The following RNF115 variants were observed in gnomAD, a reference collection of about 807,000 sequenced individuals.
The protein encoded by RNF115 is ring finger protein 115, also known as E3 ubiquitin-protein ligase RNF115.
RNF115 carries 31 observed loss-of-function variants against 39.2 expected under a neutral mutation model. That is an observed-to-expected ratio of 0.79 (90% CI 0.59 to 1.07). The LOEUF is 1.07. Among genes scored for constraint, RNF115 ranks in the 50% least tolerant of loss-of-function variants. The probability of loss-of-function intolerance (pLI) is 0.00; values close to 1 mark genes in which losing one functional copy is unlikely to be tolerated. For synonymous variants in RNF115, 124 were observed against 131.0 expected (o/e 0.95, Z 0.37); for missense variants, 384 against 381.7 (o/e 1.01, Z -0.05).
Position 145,750,370 on chromosome 1 carries a change from T to C in RNF115, c.667+37A>G, listed in dbSNP as rs369106243. On this transcript the variant is annotated intron_variant, in intron 7 of 8. Transcript: ENST00000582693. ...AAGATACCGGGATTTTGAACCGAGA[T>C]CAGAAGATGACAGAATAAGTATAAA... The C allele has an allele frequency of 1.5e-4, 216 of 1,482,482 alleles. 2 individuals carry two copies. Among genetic ancestry groups the C allele is most frequent in the Non-Finnish European group, 1.9e-4 (198 of 1,063,028 alleles). 91.8% of individuals were successfully genotyped at this position (1,482,482 alleles called of 1,614,324 possible).
chr1:145,754,088 G>C (rs782733739), intron 4 of RNF115, among the ~76,000 whole-genome samples: 1 of 152,148 alleles, frequency 6.6e-6, no homozygotes, highest in Non-Finnish European at 1.5e-5. Flanking sequence ...GCCAACATTA[G>C]ACTTTCCCTG....
intron 3 of RNF115, among the ~76,000 whole-genome samples, chr1:145,782,345 G>C (rs1648186260): frequency 6.6e-6 from 1 of 152,136 alleles, no homozygotes; most frequent in East Asian, 1.9e-4. Context: ...CTTTCAGCCA[G>C]GCACAGTGAC....
At chr1:145,766,398 C>T (rs1294024517) in intron 4 of RNF115, among the ~76,000 whole-genome samples, 7 of 152,206 alleles carry the variant, frequency 4.6e-5, no homozygotes, top group African/African-American at 1.7e-4. Context: ...CTACCTCTTT[C>T]TACACAGACA....
chr1:145,777,331 C>T (rs1203978022), intron 3 of RNF115, among the ~76,000 whole-genome samples: 2 of 152,120 alleles, frequency 1.3e-5, no homozygotes, highest in African/African-American at 4.8e-5. Flanking sequence ...TAAATTGTTA[C>T]CACACCTAAT....
At chr1:145,764,871 C>A (rs2101506831) in intron 4 of RNF115, among the ~76,000 whole-genome samples, 1 of 152,270 alleles carries the variant, frequency 6.6e-6, no homozygotes, top group South Asian at 2.1e-4. Context: ...GCCGCCCCTT[C>A]TGGGAAGTGA....
At chr1:145,772,111 G>C (rs1647672125) in intron 3 of RNF115, 192 bp from the exon 4 acceptor site, 1 of 526,024 alleles carries the variant, frequency 1.9e-6, no homozygotes, top group African/African-American at 1.9e-5. Context: ...ACTTTACTGG[G>C]TAATGACAAA....
chr1:145,795,517 A>T (rs1648936673), intron 1 of RNF115, among the ~76,000 whole-genome samples: 1 of 152,126 alleles, frequency 6.6e-6, no homozygotes, highest in Admixed American at 6.5e-5. Context: ...GTGTGTTTAC[A>T]ATCCTTTAGC....
At chr1:145,787,064 C>G (rs1553718175) in intron 2 of RNF115, 2 of 1,271,876 alleles carry the variant, frequency 1.6e-6, no homozygotes, top group African/African-American at 3.1e-5. Context: ...ACTTTAGATT[C>G]TGCCAACAGT....
chr1:145,774,613 A>C (rs1407036098), intron 3 of RNF115, among the ~76,000 whole-genome samples: 2 of 152,242 alleles, frequency 1.3e-5, no homozygotes, highest in South Asian at 4.2e-4. Context: ...GGCCTCCCAA[A>C]GTGCTGGGAT....
intron 1 of RNF115, among the ~76,000 whole-genome samples, chr1:145,816,540 A>G (rs1650000470): frequency 9.6e-6 from 1 of 103,872 alleles, no homozygotes; most frequent in South Asian, 5.0e-4. Flanking sequence ...ATTAAATTTT[A>G]AAAAGAAGAG....
At chr1:145,780,223 G>A (rs587731425) in intron 3 of RNF115, among the ~76,000 whole-genome samples, 3 of 151,546 alleles carry the variant, frequency 2.0e-5, no homozygotes, top group East Asian at 2.0e-4. Flanking sequence ...GCGAGACCCC[G>A]TCTCAAAAAA....
At chr1:145,787,624 T>C (rs1425035495) in intron 2 of RNF115, among the ~76,000 whole-genome samples, 2 of 142,816 alleles carry the variant, frequency 1.4e-5, no homozygotes, top group African/African-American at 5.2e-5. Flanking sequence ...CGGTGGCTCA[T>C]GCCTGTAATC....
rs60257682 is a variant in RNF115 at position 145,752,585 on chromosome 1, C to CTTTTTTTTTTTTTTTTTTTT, written c.500+373_500+392dup. ...CATCTACATACTCACCTATGCAGCT[C>CTTTTTTTTTTTTTTTTTTTT]TTTTTTTTTTTTTTTTTTTTTGAGA... On this transcript the variant is annotated intron_variant, in intron 5 of 8. Transcript: ENST00000582693. Among the ~76,000 whole-genome samples, 4 of 83,762 alleles carry CTTTTTTTTTTTTTTTTTTTT rather than the reference C, an allele frequency of 4.8e-5. 1 individual carries two copies. The highest frequency in any genetic ancestry group is 2.3e-4 in the African/African-American group (4 of 17,418). The allele number at this position is 83,762 out of a possible 152,430, so 55.0% of individuals were successfully genotyped here.
At chr1:145,772,946 C>A (rs1647707388) in intron 3 of RNF115, 2 of 152,158 alleles carry the variant, frequency 1.3e-5, no homozygotes, top group Admixed American at 1.3e-4. Context: ...GACCTATCTC[C>A]AAGTTTGCTG....
Position 145,741,610 on chromosome 1 carries a change from G to C in RNF115, c.*5256C>G, listed in dbSNP as rs1657694218. The C allele has an allele frequency of 6.6e-6, 1 of 152,272 alleles. No homozygotes were observed. Among genetic ancestry groups the C allele is most frequent in the Non-Finnish European group, 1.5e-5 (1 of 68,066 alleles). 9.4% of individuals were successfully genotyped at this position (152,272 alleles called of 1,614,324 possible). A position where few individuals can be genotyped will look rare whatever the true frequency, so the allele number is the denominator to read the frequency against. On this transcript the variant is annotated 3_prime_UTR_variant, in exon 9 of 9. Coordinates refer to ENST00000582693, the MANE Select transcript of RNF115 (RefSeq NM_014455.4). ...CATCAAAGTTTTCCTCCATCTTACT[G>C]TGACAGAACCTACATGAGATTCATT...
chr1:145,820,114 T>C (rs1650169842), intron 1 of RNF115, among the ~76,000 whole-genome samples: 1 of 148,652 alleles, frequency 6.7e-6, no homozygotes, highest in Non-Finnish European at 1.5e-5. Flanking sequence ...GCAAGGTTAG[T>C]TCAACATAGG....
chr1:145,767,041 C>T (rs1297125624), intron 4 of RNF115, among the ~76,000 whole-genome samples: 1 of 142,490 alleles, frequency 7.0e-6, no homozygotes, highest in Non-Finnish European at 1.5e-5. Flanking sequence ...CCCTCACCTC[C>T]CGGACGGGGC....
rs1253142788 is a variant in RNF115, at chr1:145,798,977, A to T, written c.103-10011T>A. Among the ~76,000 whole-genome samples, 3 of 152,030 alleles carry T rather than the reference A, an allele frequency of 2.0e-5. 1 individual carries two copies. The highest frequency in any genetic ancestry group is 4.8e-5 in the African/African-American group (2 of 41,406). On this transcript the variant is annotated intron_variant, in intron 1 of 8. Coordinates refer to ENST00000582693, the MANE Select transcript of RNF115 (RefSeq NM_014455.4). ...CAAGTTGTTCACTGTGTATGGAAAC[A>T]TAACTAATTTTTGTGTGTTGATTTT... is the stretch of plus-strand genomic sequence containing the variant.
chr1:145,811,193 G>C (rs1649676452), intron 1 of RNF115, among the ~76,000 whole-genome samples: 1 of 151,958 alleles, frequency 6.6e-6, no homozygotes, highest in Non-Finnish European at 1.5e-5. Context: ...TGCACTAAAT[G>C]TCCAGAAAAG....
Sources: gnomAD v4.1 joint callset for allele counts (sites outside exome capture counted in the v4.1 genomes callset) on GRCh38, gnomAD v4.1.1 for gene constraint, MANE v1.5 for transcripts, NCBI Gene and HGNC (gene_info 2026-07-23, HGNC 2026-07-21) for gene names.